NWD2: variants seen among roughly 807,000 people sequenced by gnomAD.
NWD2 encodes the protein NACHT and WD repeat domain-containing protein 2.
Under a neutral mutation model 132.7 loss-of-function variants are expected in NWD2, and 37 were observed. The ratio of observed to expected loss-of-function variants is 0.28; its 90% confidence interval spans 0.21 to 0.37. The LOEUF is 0.37. Among genes scored for constraint, NWD2 ranks in the 10% least tolerant of loss-of-function variants. The pLI is 1.00. For synonymous variants in NWD2, 705 were observed against 803.0 expected, an observed-to-expected ratio of 0.88 and a Z score of 2.06; for missense variants, 1,592 against 2,122.4, an observed-to-expected ratio of 0.75 and a Z score of 4.91.
At chr4:37,356,083 T>C (rs1228052185) in intron 2 of NWD2, among the ~76,000 whole-genome samples, 2 of 152,182 alleles carry the variant, frequency 1.3e-5, no homozygotes, top group East Asian at 3.8e-4. Flanking sequence ...TGTTTCCATT[T>C]CAAGACAACA....
chr4:37,411,377 A>T (rs193296303), intron 3 of NWD2, among the ~76,000 whole-genome samples: 3 of 152,222 alleles, frequency 2.0e-5, no homozygotes, highest in Non-Finnish European at 2.9e-5. Context: ...TAAACTAGAA[A>T]ATCTAGAAGA....
At chr4:37,432,283 A>T (rs1712200418) in intron 4 of NWD2, among the ~76,000 whole-genome samples, 1 of 151,756 alleles carries the variant, frequency 6.6e-6, no homozygotes, top group South Asian at 2.1e-4. Flanking sequence ...ATGATCAGTT[A>T]GGTTTACCCC....
At chr4:37,260,992 C>T (rs1717625057) in intron 1 of NWD2, among the ~76,000 whole-genome samples, 1 of 152,128 alleles carries the variant, frequency 6.6e-6, no homozygotes, top group African/African-American at 2.4e-5. Flanking sequence ...GACTCAGTGA[C>T]CTTAAACAAG....
chr4:37,261,344 T>A (rs973303197), intron 1 of NWD2, among the ~76,000 whole-genome samples: 1 of 152,240 alleles, frequency 6.6e-6, no homozygotes, highest in African/African-American at 2.4e-5. Flanking sequence ...ACATTTGTAT[T>A]CTGTTTATGT....
In NWD2 at chr4:37,439,150, T is replaced by C. The variant is rs142483670; in HGVS notation, c.1056T>C (p.Asp352=). Residue 352 remains aspartate, a synonymous_variant, in exon 6 of 7, where the codon GAT becomes GAC. Coordinates refer to ENST00000309447, the MANE Select transcript of NWD2 (RefSeq NM_001144990.2). The surrounding 1 kb of genome is among the most constrained non-coding windows in gnomAD (Gnocchi z 4.5). ...AACAATTTTATGAGGACATGATTGA[T>C]ATAATTCAGGCAACGATACAACAGA... ...LGKQFYEDMI[D]IIQATIQQNF... 8.1e-5 allele frequency: 125 copies of C among 1,551,106 alleles called. No homozygotes were observed. The East Asian group carries it at 2.8e-3, about 34-fold the overall frequency.
chr4:37,434,420 C>T (rs548824317), intron 5 of NWD2, among the ~76,000 whole-genome samples: 9 of 152,200 alleles, frequency 5.9e-5, no homozygotes, highest in African/African-American at 2.2e-4. Context: ...CCTCCTGCAA[C>T]TTATTTTTTT....
chr4:37,387,905 C>T (rs950271823), intron 3 of NWD2, among the ~76,000 whole-genome samples: 3 of 151,676 alleles, frequency 2.0e-5, no homozygotes, highest in Non-Finnish European at 4.4e-5. Flanking sequence ...AGCTCCTGAC[C>T]TCAGGTGATC....
intron 1 of NWD2, among the ~76,000 whole-genome samples, chr4:37,320,630 A>G (rs1719050615): frequency 6.6e-6 from 1 of 152,182 alleles, no homozygotes; most frequent in Non-Finnish European, 1.5e-5. Context: ...TCTGAGGGCC[A>G]TAGAGAGGAG....
Position 37,447,265 on chromosome 4 carries a change from G to A in NWD2, c.*48G>A. On this transcript the variant is annotated 3_prime_UTR_variant, in exon 7 of 7. Transcript: ENST00000309447. ...GAAATATGTGATCCACGTACAGAAG[G>A]GAAAAAAATGTGCCCCAAATGATAA... 2.2e-6 allele frequency: 3 copies of A among 1,363,754 alleles called. No individual in the cohort carries two copies. The highest frequency in any genetic ancestry group is 2.5e-5 in the East Asian group (1 of 39,598). The allele number at this position is 1,363,754 out of a possible 1,614,324, so 84.5% of individuals were successfully genotyped here.
chr4:37,253,245 G>C (rs1717429169), intron 1 of NWD2, among the ~76,000 whole-genome samples: 1 of 152,156 alleles, frequency 6.6e-6, no homozygotes, highest in Non-Finnish European at 1.5e-5. Context: ...AAAGACTAAA[G>C]AGTTTGCAGA....
In NWD2 at chr4:37,313,543, C is replaced by T. The variant is rs891489302; in HGVS notation, c.152-12393C>T. 8.6e-5 allele frequency among the ~76,000 whole-genome samples: 13 copies of T among 150,678 alleles called. 3 individuals carry two copies. The highest frequency in any genetic ancestry group is 2.7e-4 in the African/African-American group (11 of 40,160). ...TTTTTTTCTTTATTAGTCTTGCTAG[C>T]GGTCTATCAATTTTGTTGATCCTTT... On this transcript the variant is annotated intron_variant, in intron 1 of 6. Transcript: ENST00000309447.
At chr4:37,373,380 G>T (rs1720270391) in intron 3 of NWD2, among the ~76,000 whole-genome samples, 1 of 152,162 alleles carries the variant, frequency 6.6e-6, no homozygotes, top group Non-Finnish European at 1.5e-5. Context: ...AGGACACCAG[G>T]CAGCTGTTCA....
chr4:37,356,623 C>T, intron 3 of NWD2, 141 bp downstream of exon 3: 1 of 601,138 alleles, frequency 1.7e-6, no homozygotes, highest in Non-Finnish European at 2.9e-6. Flanking sequence ...AAGCTGTCTC[C>T]TGGCTCTCAA....
intron 6 of NWD2, among the ~76,000 whole-genome samples, chr4:37,442,232 C>G (rs1222542370): frequency 1.3e-5 from 2 of 152,190 alleles, no homozygotes; most frequent in South Asian, 4.1e-4. Context: ...ATCACTCTTC[C>G]TTATCTCAGG....
chr4:37,373,850 A>C (rs758541688), intron 3 of NWD2, among the ~76,000 whole-genome samples: 5 of 152,234 alleles, frequency 3.3e-5, no homozygotes, highest in Non-Finnish European at 7.3e-5. Flanking sequence ...TTACAGATAA[A>C]GAAAGGTGCA....
intron 3 of NWD2, among the ~76,000 whole-genome samples, chr4:37,369,744 G>T (rs1279158201): frequency 1.3e-5 from 2 of 152,186 alleles, no homozygotes; most frequent in Non-Finnish European, 2.9e-5. Context: ...GTCAAAGTAG[G>T]TATTTTCTTC....
At chr4:37,285,040 T>G (rs1029870900) in intron 1 of NWD2, among the ~76,000 whole-genome samples, 1 of 152,144 alleles carries the variant, frequency 6.6e-6, no homozygotes, top group East Asian at 1.9e-4. Flanking sequence ...GAGTTTTTTT[T>G]TAATCTTGAA....
chr4:37,281,129 TG>T, intron 1 of NWD2, among the ~76,000 whole-genome samples: 2 of 152,166 alleles, frequency 1.3e-5, no homozygotes, highest in Non-Finnish European at 2.9e-5. Flanking sequence ...GGGGGGGACA[TG>T]GTTAAAAACA....
chr4:37,313,381 A>G (rs960708408), intron 1 of NWD2, among the ~76,000 whole-genome samples: 1 of 150,968 alleles, frequency 6.6e-6, no homozygotes, highest in African/African-American at 2.5e-5. Flanking sequence ...TGAGGAATTT[A>G]TCCATTTCTT....
Sources: gnomAD v4.1 joint callset for allele counts (sites outside exome capture counted in the v4.1 genomes callset) on GRCh38, gnomAD v4.1.1 for gene constraint, Gnocchi (gnomAD v3.1) non-coding constraint, MANE v1.5 for transcripts, NCBI Gene and HGNC (gene_info 2026-07-23, HGNC 2026-07-21) for gene names.